NAV2: variants seen among roughly 807,000 people sequenced by gnomAD.
NAV2 encodes the protein helicase, APC down-regulated 1.
NAV2 carries 54 observed loss-of-function variants against 223.2 expected under a neutral mutation model. That is an observed-to-expected ratio of 0.24 (90% CI 0.19 to 0.30). The LOEUF is 0.30. Ranked by LOEUF, NAV2 falls within the 10% of genes least tolerant of loss-of-function variation. The pLI, the probability that NAV2 is intolerant of heterozygous loss-of-function variation, is 1.00. For missense variants in NAV2, 2,806 were observed against 3,147.5 expected (o/e 0.89, Z 2.60); for synonymous variants, 1,279 against 1,239.3 (o/e 1.03, Z -0.67).
At chr11:19,819,270 C>A (rs1590716960) in intron 1 of NAV2, among the ~76,000 whole-genome samples, 1 of 152,140 alleles carries the variant, frequency 6.6e-6, no homozygotes, top group African/African-American at 2.4e-5. Context: ...ATGAGTAATT[C>A]TGTTAGGAGT....
intron 1 of NAV2, among the ~76,000 whole-genome samples, chr11:19,630,696 G>A (rs1450876368): frequency 6.6e-6 from 1 of 152,090 alleles, no homozygotes; most frequent in Non-Finnish European, 1.5e-5. Context: ...AGACCAGCCT[G>A]GGCAACATGG....
At chr11:19,969,800 G>T (rs2153425750) in intron 10 of NAV2, among the ~76,000 whole-genome samples, 1 of 151,992 alleles carries the variant, frequency 6.6e-6, no homozygotes, top group South Asian at 2.1e-4. Context: ...AACAAAATTA[G>T]CCAGGCGTGG....
At chr11:19,733,534 C>T (rs760837584) in intron 1 of NAV2, among the ~76,000 whole-genome samples, 1 of 152,184 alleles carries the variant, frequency 6.6e-6, no homozygotes, top group South Asian at 2.1e-4. Flanking sequence ...TACCGCACAA[C>T]GGGTTTTAAG....
chr11:19,624,840 C>T (rs1210693177), intron 1 of NAV2, among the ~76,000 whole-genome samples: 1 of 152,246 alleles, frequency 6.6e-6, no homozygotes, highest in African/African-American at 2.4e-5. Context: ...CAGTCTTCTG[C>T]ATCACTCATG....
At chr11:20,072,342 C>G (rs192239348) in intron 22 of NAV2, among the ~76,000 whole-genome samples, 2 of 152,100 alleles carry the variant, frequency 1.3e-5, no homozygotes, top group Admixed American at 1.3e-4. Flanking sequence ...TTACTGTAGC[C>G]TTGTAGTATA....
chr11:19,543,659 A>G (rs2044401033), intron 1 of NAV2, among the ~76,000 whole-genome samples: 1 of 152,176 alleles, frequency 6.6e-6, no homozygotes, highest in African/African-American at 2.4e-5. Context: ...CTTTGTCTAT[A>G]AAAAAGGAGT....
chr11:19,868,988 T>C lies in NAV2; in HGVS notation c.502T>C (p.Ser168Pro). ...AAKGINIQGLSAEEIRNGNLK... is the reference protein window; with the variant it reads ...AAKGINIQGLPAEEIRNGNLK... ...TAAGGGAATAAACATCCAGGGGCTG[T>C]CTGCAGAAGGTGAGTCAGAGCGCTT... The change falls in exon 4 of 38, where the codon TCT (serine) becomes CCT (proline). Residue 168 changes from serine (S) to proline (P), a missense_variant. Physicochemically the swap from Ser to Pro is moderately conservative, Grantham distance 74 (BLOSUM62 -1). Around this residue, in one of 4 missense-constraint regions of NAV2, gnomAD observed 1,167 missense variants for 1,180.5 expected, o/e 0.99. Transcript: ENST00000349880. 6.2e-7 allele frequency: 1 copy of C among 1,613,954 alleles called. No individual in the cohort carries two copies. The highest frequency in any genetic ancestry group is 1.1e-5 in the South Asian group (1 of 91,078).
intron 1 of NAV2, among the ~76,000 whole-genome samples, chr11:19,532,996 T>TC (rs1396266797): frequency 6.6e-6 from 1 of 152,200 alleles, no homozygotes; most frequent in African/African-American, 2.4e-5. Context: ...AGGACCAGTG[T>TC]CCACACATAG....
chr11:19,510,161 G>C (rs1400202686), intron 1 of NAV2, among the ~76,000 whole-genome samples: 1 of 152,210 alleles, frequency 6.6e-6, no homozygotes, highest in Non-Finnish European at 1.5e-5. Context: ...CACAGGAGTG[G>C]TTGTGGATCT....
chr11:19,649,249 T>TA (rs931357774), intron 1 of NAV2, among the ~76,000 whole-genome samples: 13 of 152,236 alleles, frequency 8.5e-5, no homozygotes, highest in African/African-American at 3.1e-4. Flanking sequence ...TGCATCTGGT[T>TA]AGTGGGCTAA....
At chr11:19,412,665 A>T (rs1049660545) in intron 1 of NAV2, among the ~76,000 whole-genome samples, 11 of 152,176 alleles carry the variant, frequency 7.2e-5, no homozygotes, top group African/African-American at 2.7e-4. Context: ...GACACCTCAT[A>T]CAAGAGAGCA....
At chr11:19,740,059 T>C (rs1485413442) in intron 1 of NAV2, among the ~76,000 whole-genome samples, 1 of 152,186 alleles carries the variant, frequency 6.6e-6, no homozygotes, top group Admixed American at 6.5e-5. Flanking sequence ...GGGAGCTTGA[T>C]GGGGAATCCT....
chr11:19,935,020 G>T (rs1224842774), intron 7 of NAV2, among the ~76,000 whole-genome samples: 1 of 152,166 alleles, frequency 6.6e-6, no homozygotes, highest in Non-Finnish European at 1.5e-5. Context: ...CAGCGACATT[G>T]CTCATTGCTC....
chr11:19,351,069 G>GGA (rs10655705), intron 1 of NAV2: 1,523,722 of 1,531,808 alleles, frequency 0.99, 758,076 homozygotes, highest in East Asian at 1. Context: ...TTATGGTGCT[G>GGA]ATTGCTAAGT....
At chr11:19,671,171 C>A (rs999627828) in intron 1 of NAV2, among the ~76,000 whole-genome samples, 1 of 152,200 alleles carries the variant, frequency 6.6e-6, no homozygotes, top group Non-Finnish European at 1.5e-5. Context: ...TGATCTAGTT[C>A]TTGAGATTTC....
intron 30 of NAV2, 95 bp from the exon 31 acceptor site, chr11:20,097,482 A>G (rs1487008287): frequency 9.9e-7 from 1 of 1,010,906 alleles, no homozygotes; most frequent in Non-Finnish European, 1.4e-6. Context: ...CTGAGAAAGA[A>G]GAGAATATGA....
chr11:19,581,581 G>A (rs189610204), intron 1 of NAV2, among the ~76,000 whole-genome samples: 2 of 151,626 alleles, frequency 1.3e-5, no homozygotes, highest in East Asian at 3.9e-4. Context: ...GTGTCTCATT[G>A]TTCAATTCCC....
intron 3 of NAV2, among the ~76,000 whole-genome samples, chr11:19,855,193 C>T (rs181839850): frequency 3.5e-4 from 53 of 152,210 alleles, no homozygotes; most frequent in Admixed American, 1.2e-3. Context: ...CAGAATTTAG[C>T]GCAGTGCTTC....
intron 11 of NAV2, chr11:20,027,300 CG>C (rs1299495099): frequency 6.1e-6 from 6 of 979,468 alleles, no homozygotes; most frequent in Non-Finnish European, 6.0e-6. Context: ...TCGTTCCGCT[CG>C]GGCCCCGGGG....
Sources: allele counts gnomAD v4.1 joint callset (sites outside exome capture counted in the v4.1 genomes callset), GRCh38; gene constraint gnomAD v4.1.1; regional missense constraint gnomAD v4.1.1; transcripts MANE v1.5; gene names NCBI Gene and HGNC (gene_info 2026-07-23, HGNC 2026-07-21).